The following LRIF1 variants were observed in gnomAD, a reference collection of about 807,000 sequenced individuals.
LRIF1 encodes the protein ligand-dependent nuclear receptor-interacting factor 1.
A neutral mutation model predicts 52.7 loss-of-function variants in LRIF1; 32 were observed. That is an observed-to-expected ratio of 0.61 (90% CI 0.46 to 0.82). The LOEUF (loss-of-function observed/expected upper bound fraction) is 0.82, where lower values mean the gene tolerates loss of function less well. Among genes scored for constraint, LRIF1 ranks in the 40% least tolerant of loss-of-function variants. The pLI is 0.00. For missense variants in LRIF1, 887 were observed against 892.0 expected (o/e 0.99, Z 0.07); for synonymous variants, 323 against 317.4 (o/e 1.02, Z -0.19).
At chr1:110,931,822 T>C in the LRIF1 span, among the ~76,000 whole-genome samples, 8 of 152,340 alleles carry the variant, frequency 5.3e-5, no homozygotes, top group East Asian at 1.4e-3. Context: ...GCCCCCTTTT[T>C]GTTGGAGTTG....
In LRIF1 at chr1:110,952,036, T is replaced by G. The variant is rs1221319557; in HGVS notation, c.848A>C (p.His283Pro). The G allele has an allele frequency of 1.2e-6, 2 of 1,614,112 alleles. No homozygotes were observed. Among genetic ancestry groups the G allele is most frequent in the African/African-American group, 1.3e-5 (1 of 74,946 alleles). Residue 283 changes from histidine (H) to proline (P), a missense_variant, in exon 2 of 4, where the codon CAT (histidine) becomes CCT (proline). Coordinates refer to ENST00000369763, the MANE Select transcript of LRIF1 (RefSeq NM_018372.4). ...CCATTTCACTGGAGCAGCTTGAGAA[T>G]GCTGACCACCTTTCAATTGTGTCTC... ...ATETQLKGGQ[H>P]SQAAPVKWIF...
chr1:110,924,231 T>G, the LRIF1 span, among the ~76,000 whole-genome samples: 1 of 152,070 alleles, frequency 6.6e-6, no homozygotes, highest in Non-Finnish European at 1.5e-5. Context: ...ATCAAAAATA[T>G]TATCATAAAG....
chr1:110,963,463 C>T (rs1161866163), intron 1 of LRIF1, 158 bp downstream of exon 1: 1 of 550,938 alleles, frequency 1.8e-6, no homozygotes, highest in Non-Finnish European at 3.3e-6. Context: ...GCTCTATGGG[C>T]TTTAAGCGCC....
the LRIF1 span, among the ~76,000 whole-genome samples, chr1:110,901,469 C>T: frequency 0.19 from 27,986 of 145,974 alleles, 3,314 homozygotes; most frequent in Middle Eastern, 0.31. Flanking sequence ...AGCCACCTCG[C>T]ACCCGGCCTT....
chr1:110,919,102 G>C, the LRIF1 span, among the ~76,000 whole-genome samples: 1 of 151,922 alleles, frequency 6.6e-6, no homozygotes, highest in Non-Finnish European at 1.5e-5. Flanking sequence ...TGGCACAACA[G>C]AGTGAAACTA....
At chr1:110,892,746 T>A in the LRIF1 span, 1 of 498,622 alleles carries the variant, frequency 2.0e-6, no homozygotes, top group South Asian at 3.4e-5. Flanking sequence ...CTATCCCCCT[T>A]GTAGCCATTT....
chr1:110,960,422 T>C (rs931448451), intron 1 of LRIF1, among the ~76,000 whole-genome samples: 2 of 152,128 alleles, frequency 1.3e-5, no homozygotes, highest in African/African-American at 4.8e-5. Flanking sequence ...ATCATTCCAG[T>C]CAAACCAAAC....
the LRIF1 span, among the ~76,000 whole-genome samples, chr1:110,907,687 T>C: frequency 6.6e-6 from 1 of 152,164 alleles, no homozygotes; most frequent in Admixed American, 6.5e-5. Context: ...TGAGCCGAGA[T>C]TGCACCACGG....
chr1:110,957,689 T>A (rs966478821), intron 1 of LRIF1, among the ~76,000 whole-genome samples: 3 of 152,178 alleles, frequency 2.0e-5, no homozygotes, highest in African/African-American at 7.2e-5. Context: ...AAAGTAGTAG[T>A]CTATCCTACC....
At chr1:110,955,015 T>A (rs2101114854) in intron 1 of LRIF1, among the ~76,000 whole-genome samples, 1 of 152,334 alleles carries the variant, frequency 6.6e-6, no homozygotes, top group Non-Finnish European at 1.5e-5. Flanking sequence ...ATTTCAATAT[T>A]TCTATCTGTG....
At chr1:110,926,266 A>T in the LRIF1 span, among the ~76,000 whole-genome samples, 2 of 152,000 alleles carry the variant, frequency 1.3e-5, no homozygotes, top group Non-Finnish European at 2.9e-5. Flanking sequence ...GGTAATCATG[A>T]CAACACAATA....
chr1:110,960,539 G>A (rs1658908412), intron 1 of LRIF1, among the ~76,000 whole-genome samples: 1 of 152,102 alleles, frequency 6.6e-6, no homozygotes, highest in African/African-American at 2.4e-5. Context: ...TATTATTGTA[G>A]GATATATAAT....
chr1:110,910,984 G>A, the LRIF1 span, among the ~76,000 whole-genome samples: 6 of 152,088 alleles, frequency 3.9e-5, no homozygotes, highest in African/African-American at 1.4e-4. Flanking sequence ...CTAGCAAAAG[G>A]AAAGCAATAA....
downstream of LRIF1, among the ~76,000 whole-genome samples, chr1:110,945,407 CCT>C (rs892117026): frequency 6.6e-6 from 1 of 151,430 alleles, no homozygotes; most frequent in African/African-American, 2.4e-5. Flanking sequence ...TTCTTCCGTT[CCT>C]CTTTCCCCTC....
Position 110,947,912 on chromosome 1 carries a change from G to A in LRIF1, c.*47C>T. 1 of 1,528,614 alleles carries A rather than the reference G, an allele frequency of 6.5e-7. No homozygotes were observed. Among genetic ancestry groups the A allele is most frequent in the Non-Finnish European group, 8.7e-7 (1 of 1,143,522 alleles). 94.7% of individuals were successfully genotyped at this position (1,528,614 alleles called of 1,614,324 possible). On this transcript the variant is annotated 3_prime_UTR_variant, in exon 4 of 4. Coordinates refer to ENST00000369763, the MANE Select transcript of LRIF1 (RefSeq NM_018372.4). ...CTACAATTAACTTATTAATGCTGAA[G>A]TATATTTTAAAAAACAGCTATTTCA...
At chr1:110,927,719 T>C in the LRIF1 span, among the ~76,000 whole-genome samples, 5 of 152,136 alleles carry the variant, frequency 3.3e-5, no homozygotes, top group African/African-American at 1.2e-4. Context: ...TTTTCCACAG[T>C]AGTGTCTCTT....
At chr1:110,908,823 T>C in the LRIF1 span, among the ~76,000 whole-genome samples, 1 of 152,194 alleles carries the variant, frequency 6.6e-6, no homozygotes, top group East Asian at 1.9e-4. Context: ...TTAAGGATAT[T>C]GTCCACGAAA....
the LRIF1 span, chr1:110,940,642 TTCAG>T: frequency 6.6e-6 from 1 of 152,184 alleles, no homozygotes; most frequent in Non-Finnish European, 1.5e-5. Context: ...TGGAGTACTA[TTCAG>T]TAATTAAAAG....
rs1658518769 is a variant in LRIF1 at position 110,952,361 on chromosome 1, TCA to T, written c.521_522del (p.Val174GlufsTer18). The T allele has an allele frequency of 1.2e-6, 2 of 1,613,968 alleles. No homozygotes were observed. The highest frequency in any genetic ancestry group is 1.7e-5 in the Admixed American group (1 of 60,006). On this transcript the variant is annotated frameshift_variant, in exon 2 of 4. Coordinates refer to ENST00000369763, the MANE Select transcript of LRIF1 (RefSeq NM_018372.4). LOFTEE classifies it high-confidence loss of function. Reference protein sequence around the residue: ...VVNTQSLPVTVKSPVLPSGHH... With the variant: ...VVNTQSLPVTXKSPVLPSGHH... ...TGCCCAGAAGGCAAAACTGGAGACTTCACAGTCACTGGAAGACTCTGGGTATT... is the reference window on the plus strand; with the variant it reads ...TGCCCAGAAGGCAAAACTGGAGACTTCAGTCACTGGAAGACTCTGGGTATT...
Sources: gnomAD v4.1 joint callset for allele counts (sites outside exome capture counted in the v4.1 genomes callset) on GRCh38, gnomAD v4.1.1 for gene constraint, MANE v1.5 for transcripts, NCBI Gene and HGNC (gene_info 2026-07-23, HGNC 2026-07-21) for gene names.